The following PKNOX1 variants were observed in gnomAD, a reference collection of about 807,000 sequenced individuals.
The protein encoded by PKNOX1 is homeobox protein PKNOX1.
PKNOX1 carries 15 observed loss-of-function variants against 51.9 expected under a neutral mutation model. That is an observed-to-expected ratio of 0.29 (90% CI 0.19 to 0.45). PKNOX1 has a LOEUF of 0.45. PKNOX1 is among the 20% of genes least tolerant of loss of function. The pLI, the probability that PKNOX1 is intolerant of heterozygous loss-of-function variation, is 1.00. For missense variants in PKNOX1, 462 were observed against 547.5 expected (o/e 0.84, Z 1.56); for synonymous variants, 219 against 211.1 (o/e 1.04, Z -0.32).
intron 4 of PKNOX1, among the ~76,000 whole-genome samples, chr21:43,011,208 C>T (rs1248559567): frequency 4.0e-5 from 6 of 151,874 alleles, no homozygotes; most frequent in Non-Finnish European, 5.9e-5. Flanking sequence ...GCTGGGACTA[C>T]AGGCACCCGC....
Position 42,981,419 on chromosome 21 carries a change from C to T in PKNOX1, c.-57+6755C>T, listed in dbSNP as rs549824453. Among the ~76,000 whole-genome samples, 318 of 152,342 alleles carry T rather than the reference C, an allele frequency of 2.1e-3. 1 individual carries two copies. Among genetic ancestry groups the T allele is most frequent in the Non-Finnish European group, 3.9e-3 (267 of 68,034 alleles). On this transcript the variant is annotated intron_variant, in intron 1 of 10. Transcript: ENST00000291547. ...GTTTCTGGAAGATTCACATAGAAGGCAGTGTGGTAATTCAGTCAACGTGTT... is the reference window on the plus strand; with the variant it reads ...GTTTCTGGAAGATTCACATAGAAGGTAGTGTGGTAATTCAGTCAACGTGTT...
intron 1 of PKNOX1, among the ~76,000 whole-genome samples, chr21:42,985,358 G>A (rs756347064): frequency 1.3e-5 from 2 of 151,710 alleles, no homozygotes; most frequent in African/African-American, 2.4e-5. Context: ...GTTTTGAGAC[G>A]GAGTCTCACT....
chr21:42,993,397 C>A (rs1165268514), intron 1 of PKNOX1, among the ~76,000 whole-genome samples: 1 of 152,172 alleles, frequency 6.6e-6, no homozygotes, highest in Non-Finnish European at 1.5e-5. Context: ...TCCACGTTGC[C>A]CTGCTGCAGG....
At chr21:42,989,960 G>A (rs929624498) in intron 1 of PKNOX1, among the ~76,000 whole-genome samples, 6 of 152,078 alleles carry the variant, frequency 3.9e-5, no homozygotes, top group African/African-American at 1.4e-4. Flanking sequence ...TAAACCGGGT[G>A]TGGTGGTGCA....
chr21:42,988,951 C>T (rs1601275436), intron 1 of PKNOX1, among the ~76,000 whole-genome samples: 1 of 136,182 alleles, frequency 7.3e-6, no homozygotes, highest in South Asian at 2.4e-4. Context: ...GGGGACCCTG[C>T]GGGCTGGATG....
chr21:42,979,666 C>T (rs1400315585), intron 1 of PKNOX1, among the ~76,000 whole-genome samples: 1 of 152,086 alleles, frequency 6.6e-6, no homozygotes, highest in Non-Finnish European at 1.5e-5. Flanking sequence ...GGCGTGAACC[C>T]AGGGGGCGGA....
chr21:43,000,456 G>A (rs1259315725), intron 1 of PKNOX1, among the ~76,000 whole-genome samples: 1 of 152,202 alleles, frequency 6.6e-6, no homozygotes, highest in Non-Finnish European at 1.5e-5. Flanking sequence ...ATGTACAGGG[G>A]AATTCCTCTT....
rs1980291812 is a variant in PKNOX1, at chr21:43,031,972, C to T, written c.*1871C>T. On this transcript the variant is annotated 3_prime_UTR_variant, in exon 11 of 11. Coordinates refer to ENST00000291547, the MANE Select transcript of PKNOX1 (RefSeq NM_004571.5). ...CACCTCTTATGTTCAAGCAATTCTC[C>T]TTCCTTAGCCTCCTGAGTAGCTGGG... is the stretch of plus-strand genomic sequence containing the variant. 3.1e-6 allele frequency: 1 copy of T among 319,190 alleles called. No individual in the cohort carries two copies. Among genetic ancestry groups the T allele is most frequent in the Non-Finnish European group, 6.3e-6 (1 of 157,756 alleles). 19.8% of individuals were successfully genotyped at this position (319,190 alleles called of 1,614,324 possible). A position where few individuals can be genotyped will look rare whatever the true frequency, so the allele number is the denominator to read the frequency against.
chr21:42,996,442 A>G (rs990432703), intron 1 of PKNOX1, among the ~76,000 whole-genome samples: 21 of 152,128 alleles, frequency 1.4e-4, no homozygotes, highest in Non-Finnish European at 1.9e-4. Context: ...GGGAGTCCCA[A>G]TCTCTCCTGA....
chr21:43,014,340 G>C (rs919065111), intron 5 of PKNOX1, among the ~76,000 whole-genome samples: 15 of 147,162 alleles, frequency 1.0e-4, no homozygotes, highest in African/African-American at 3.1e-4. Context: ...GCATTTTTTA[G>C]TTGGATTTTT....
At chr21:42,989,025 C>T (rs1432103665) in intron 1 of PKNOX1, among the ~76,000 whole-genome samples, 1 of 152,098 alleles carries the variant, frequency 6.6e-6, no homozygotes, top group Non-Finnish European at 1.5e-5. Context: ...TGAGGACCCC[C>T]TCACTGGTCT....
At position 43,013,244 on chromosome 21, in the gene PKNOX1, TAC is replaced by T. The variant is rs770382581; in HGVS notation, c.522+8_522+9del. On this transcript the variant is annotated splice_region_variant and intron_variant, in intron 5 of 10. Transcript: ENST00000291547. ...ACTCACCAGTGCAGTCCCAGGTACT[TAC>T]ATTTGGGGGTCTCGCTTTCCCTCTC... 6.4e-7 allele frequency: 1 copy of T among 1,570,062 alleles called. No individual in the cohort carries two copies. Among genetic ancestry groups the T allele is most frequent in the Non-Finnish European group, 8.7e-7 (1 of 1,154,834 alleles).
chr21:43,032,111 C>T lies in PKNOX1; in HGVS notation c.*2010C>T, dbSNP rs1397184745. The T allele has an allele frequency of 6.6e-6, 3 of 453,028 alleles. No individual in the cohort carries two copies. Among genetic ancestry groups the T allele is most frequent in the Non-Finnish European group, 1.3e-5 (3 of 225,378 alleles). The allele number at this position is 453,028 out of a possible 1,614,324, so 28.1% of individuals were successfully genotyped here. The stretch of plus-strand genomic sequence containing the variant: ...CCGACCTCAGGTGATCTGCCTGCCT[C>T]AGCCTCCCAAAGTGCTGGGATTACA... On this transcript the variant is annotated 3_prime_UTR_variant, in exon 11 of 11. Coordinates refer to ENST00000291547, the MANE Select transcript of PKNOX1 (RefSeq NM_004571.5).
rs1240438664 is a variant in PKNOX1 at position 43,029,462 on chromosome 21, C to G, written c.1100-428C>G. Reference sequence around the variant, plus strand: ...TTTTTTTTTGAGACAGAGTCTCACTCTGTTGCCCAGGCTGGAGTGCAATGG... The same window carrying G: ...TTTTTTTTTGAGACAGAGTCTCACTGTGTTGCCCAGGCTGGAGTGCAATGG... On this transcript the variant is annotated intron_variant, in intron 10 of 10. Transcript: ENST00000291547. 2.8e-4 allele frequency among the ~76,000 whole-genome samples: 29 copies of G among 103,340 alleles called. 1 individual carries two copies. Among genetic ancestry groups the G allele is most frequent in the Admixed American group, 7.1e-4 (5 of 7,026 alleles). 67.8% of individuals were successfully genotyped at this position (103,340 alleles called of 152,430 possible).
chr21:42,983,161 T>G (rs1349417167), intron 1 of PKNOX1, among the ~76,000 whole-genome samples: 1 of 152,182 alleles, frequency 6.6e-6, no homozygotes, highest in Non-Finnish European at 1.5e-5. Context: ...AAATTTACCA[T>G]CTTAACCATT....
chr21:42,998,727 G>C (rs1233968978), intron 1 of PKNOX1, among the ~76,000 whole-genome samples: 1 of 152,190 alleles, frequency 6.6e-6, no homozygotes, highest in East Asian at 1.9e-4. Flanking sequence ...GATTTCCTTT[G>C]ACTGCATGTC....
At chr21:43,015,235 T>A (rs1472222467) in intron 5 of PKNOX1, among the ~76,000 whole-genome samples, 1 of 152,270 alleles carries the variant, frequency 6.6e-6, no homozygotes, top group East Asian at 1.9e-4. Context: ...TCTTTCTAGA[T>A]GCTCTTTATC....
chr21:43,023,642 A>G (rs200609940), intron 8 of PKNOX1, among the ~76,000 whole-genome samples: 1 of 121,066 alleles, frequency 8.3e-6, no homozygotes, highest in Non-Finnish European at 1.8e-5. Context: ...TTTTTTTTTT[A>G]TTTTTCTGCA....
At position 43,010,000 on chromosome 21, in the gene PKNOX1, T is replaced by C; in HGVS notation, c.180-53T>C. On this transcript the variant is annotated intron_variant, in intron 3 of 10. Coordinates refer to ENST00000291547, the MANE Select transcript of PKNOX1 (RefSeq NM_004571.5). The stretch of plus-strand genomic sequence containing the variant: ...TAGTGCAGGCATACACGCAAAGACA[T>C]TCTCACGGAGATGTAGAACGTAAAT... 3 of 1,216,064 alleles carry C rather than the reference T, an allele frequency of 2.5e-6. No homozygotes were observed. The South Asian group carries it at 4.7e-5, about 19-fold the overall frequency. 75.3% of individuals were successfully genotyped at this position (1,216,064 alleles called of 1,614,324 possible). A position where few individuals can be genotyped will look rare whatever the true frequency, so the allele number is the denominator to read the frequency against.
Sources: gnomAD v4.1 joint callset for allele counts (sites outside exome capture counted in the v4.1 genomes callset) on GRCh38, gnomAD v4.1.1 for gene constraint, MANE v1.5 for transcripts, NCBI Gene and HGNC (gene_info 2026-07-23, HGNC 2026-07-21) for gene names.